Variants in SMG7 observed in about 807,000 individuals in gnomAD.
The protein encoded by SMG7 is nonsense-mediated mRNA decay factor SMG7.
Under a neutral mutation model 148.2 loss-of-function variants are expected in SMG7, and 34 were observed. That is an observed-to-expected ratio of 0.23 (90% CI 0.17 to 0.31). The LOEUF is 0.31. SMG7 is among the 10% of genes least tolerant of loss of function. SMG7 has a pLI of 1.00. For missense variants in SMG7, 1,114 were observed against 1,408.4 expected, an observed-to-expected ratio of 0.79 and a Z score of 3.35; for synonymous variants, 492 against 515.1, an observed-to-expected ratio of 0.96 and a Z score of 0.61.
At chr1:183,510,580 A>G (rs1020756839) in intron 1 of SMG7, among the ~76,000 whole-genome samples, 1 of 152,146 alleles carries the variant, frequency 6.6e-6, no homozygotes, top group Non-Finnish European at 1.5e-5. Context: ...TTAGCACTAC[A>G]TTGAGATTCT....
At chr1:183,550,083 A>T in intron 20 of SMG7, 160 bp downstream of exon 20, 1 of 615,566 alleles carries the variant, frequency 1.6e-6, no homozygotes, top group South Asian at 2.7e-5. Context: ...AGAAAAAAAA[A>T]AAGAAGAAGC....
intron 1 of SMG7, among the ~76,000 whole-genome samples, chr1:183,488,041 G>A (rs1007343225): frequency 1.3e-5 from 2 of 152,178 alleles, no homozygotes; most frequent in African/African-American, 4.8e-5. Flanking sequence ...GGAAAGCCGT[G>A]TTCATATGTC....
At chr1:183,480,384 A>T (rs772127647) in intron 1 of SMG7, among the ~76,000 whole-genome samples, 108 of 151,872 alleles carry the variant, frequency 7.1e-4, no homozygotes, top group Non-Finnish European at 1.2e-3. Context: ...ACTTTTCCTT[A>T]ATCCCTTGCT....
chr1:183,550,057 A>C, intron 20 of SMG7, 134 bp downstream of exon 20: 1 of 687,752 alleles, frequency 1.5e-6, no homozygotes, highest in Non-Finnish European at 2.3e-6. Flanking sequence ...TGTTTTTGTA[A>C]CTTCTGAAAG....
At chr1:183,475,927 A>G (rs1652061876) in intron 1 of SMG7, among the ~76,000 whole-genome samples, 1 of 152,238 alleles carries the variant, frequency 6.6e-6, no homozygotes, top group Non-Finnish European at 1.5e-5. Context: ...TGAGCAGGCA[A>G]AATGGGGGAG....
Position 183,546,054 on chromosome 1 carries a change from A to G in SMG7, c.2459A>G (p.Tyr820Cys), listed in dbSNP as rs1305817779. Residue 820 changes from tyrosine to cysteine, a missense_variant, in exon 17 of 23, where the codon TAC (tyrosine) becomes TGC (cysteine). Physicochemically the swap from Tyr to Cys is radical, Grantham distance 194 (BLOSUM62 -2). This residue lies in a region of SMG7 where 788 missense variants were observed against 894.5 expected (regional missense o/e 0.88). Transcript: ENST00000688051. ...LGKIMPVKQP[Y>C]YLQTQDPIKL... ...AAAATTATGCCTGTGAAACAGCCCT[A>G]CTACCTTCAGACCCAAGACCCCATA... is the stretch of plus-strand genomic sequence containing the variant. 6.2e-7 allele frequency: 1 copy of G among 1,613,882 alleles called. No homozygotes were observed. The highest frequency in any genetic ancestry group is 2.2e-5 in the East Asian group (1 of 44,878).
intron 12 of SMG7, 74 bp downstream of exon 12, chr1:183,538,514 A>T (rs1668196444): frequency 1.0e-6 from 1 of 999,160 alleles, no homozygotes; most frequent in Non-Finnish European, 1.6e-6. Context: ...TTGGGCTTGG[A>T]TGTAGAGGAA....
At position 183,472,578 on chromosome 1, in the gene SMG7, C is replaced by A; in HGVS notation, c.-43C>A. 7.1e-7 allele frequency: 1 copy of A among 1,415,836 alleles called. No individual in the cohort carries two copies. The highest frequency in any genetic ancestry group is 9.3e-7 in the Non-Finnish European group (1 of 1,074,772). 87.7% of individuals were successfully genotyped at this position (1,415,836 alleles called of 1,614,324 possible). A position where few individuals can be genotyped will look rare whatever the true frequency, so the allele number is the denominator to read the frequency against. On this transcript the variant is annotated 5_prime_UTR_variant, in exon 1 of 23. Coordinates refer to ENST00000688051, the MANE Select transcript of SMG7 (RefSeq NM_001375584.1). ...GGGCCGCTCCGAGGAGCCTGAGAGA[C>A]CCACGGAGGCTTCGCGGGAAGACGC...
chr1:183,526,133 G>A (rs888461574), intron 4 of SMG7, among the ~76,000 whole-genome samples: 11 of 140,852 alleles, frequency 7.8e-5, no homozygotes, highest in East Asian at 2.0e-4. Context: ...AAAGATTAAC[G>A]TATAATATAT....
intron 1 of SMG7, among the ~76,000 whole-genome samples, chr1:183,498,354 C>T (rs1468149924): frequency 6.6e-6 from 1 of 152,134 alleles, no homozygotes; most frequent in Non-Finnish European, 1.5e-5. Context: ...CATGACAAAA[C>T]TCTGTCTCTA....
rs750128832 is a variant in SMG7, at chr1:183,517,820, G to A, written c.312G>A (p.Gln104=). ...AGGCAGCTAGTGGCTTCTATACTCAGGTGAGTTCTGCATTGTATACCAGTT... is the reference window on the plus strand; with the variant it reads ...AGGCAGCTAGTGGCTTCTATACTCAAGTGAGTTCTGCATTGTATACCAGTT... ...FLEAASGFYT[Q]LLQELCTVFN... The change falls in exon 4 of 23, where the codon CAG becomes CAA. Residue 104 remains glutamine (Q), a splice_region_variant and synonymous_variant. Transcript: ENST00000688051. The A allele has an allele frequency of 6.2e-7, 1 of 1,614,032 alleles. No homozygotes were observed. Among genetic ancestry groups the A allele is most frequent in the Non-Finnish European group, 8.5e-7 (1 of 1,179,932 alleles).
At chr1:183,494,565 C>T (rs1657938113) in intron 1 of SMG7, among the ~76,000 whole-genome samples, 1 of 149,712 alleles carries the variant, frequency 6.7e-6, no homozygotes, top group South Asian at 2.1e-4. Context: ...GTATTGATCT[C>T]TTGGCATCAA....
At chr1:183,503,880 T>A (rs1023189480) in intron 1 of SMG7, among the ~76,000 whole-genome samples, 1 of 152,238 alleles carries the variant, frequency 6.6e-6, no homozygotes, top group Non-Finnish European at 1.5e-5. Flanking sequence ...ATTACTAATT[T>A]GTAGGAAAGC....
At chr1:183,504,033 T>G (rs944429841) in intron 1 of SMG7, among the ~76,000 whole-genome samples, 2 of 152,210 alleles carry the variant, frequency 1.3e-5, no homozygotes, top group Non-Finnish European at 2.9e-5. Context: ...GAGGCATTAT[T>G]CTAGTTGTTA....
rs529455094 is a variant in SMG7 at position 183,477,766 on chromosome 1, A to G, written c.29+5117A>G. ...CATGTGTGTGCATATGTGTGCATATATACATGTGTGTATGTGTGTATGTAT... is the reference window on the plus strand; with the variant it reads ...CATGTGTGTGCATATGTGTGCATATGTACATGTGTGTATGTGTGTATGTAT... On this transcript the variant is annotated intron_variant, in intron 1 of 22. Transcript: ENST00000688051. Among the ~76,000 whole-genome samples the G allele has an allele frequency of 1.3e-5, 2 of 152,186 alleles. 1 individual carries two copies. The highest frequency in any genetic ancestry group is 4.8e-5 in the African/African-American group (2 of 41,494).
chr1:183,485,130 G>C (rs1655126718), intron 1 of SMG7, among the ~76,000 whole-genome samples: 1 of 152,146 alleles, frequency 6.6e-6, no homozygotes, highest in South Asian at 2.1e-4. Context: ...TACACAGCTA[G>C]GCAAACAGGC....
intron 1 of SMG7, among the ~76,000 whole-genome samples, chr1:183,510,190 C>G (rs1312363199): frequency 6.6e-6 from 1 of 152,014 alleles, no homozygotes; most frequent in Non-Finnish European, 1.5e-5. Context: ...CTTCGCAACT[C>G]AAGGACAAAA....
rs907005103 is a variant in SMG7 at position 183,527,575 on chromosome 1, T to C, written c.485-381T>C. 1.7e-5 allele frequency: 8 copies of C among 457,936 alleles called. No homozygotes were observed. 28.4% of individuals were successfully genotyped at this position (457,936 alleles called of 1,614,324 possible). On this transcript the variant is annotated intron_variant, in intron 5 of 22. Coordinates refer to ENST00000688051, the MANE Select transcript of SMG7 (RefSeq NM_001375584.1). The surrounding 1 kb of genome is among the most constrained non-coding windows in gnomAD (Gnocchi z 4.0). ...ACTTTATAAAATATTGAAAAATACA[T>C]AATTTTCAGATCATATTGTATAGTG...
chr1:183,477,754 A>G (rs922171182), intron 1 of SMG7, among the ~76,000 whole-genome samples: 18 of 151,570 alleles, frequency 1.2e-4, no homozygotes, highest in African/African-American at 2.4e-4. Flanking sequence ...GTGTGTGCAT[A>G]TGTGTGCATA....
Sources: allele counts gnomAD v4.1 joint callset (sites outside exome capture counted in the v4.1 genomes callset), GRCh38; gene constraint gnomAD v4.1.1; regional missense constraint gnomAD v4.1.1; non-coding constraint Gnocchi (gnomAD v3.1); transcripts MANE v1.5; gene names NCBI Gene and HGNC (gene_info 2026-07-23, HGNC 2026-07-21).